Variants in TTC27 observed in about 807,000 individuals in gnomAD.
The protein encoded by TTC27 is tetratricopeptide repeat protein 27.
Under a neutral mutation model 115.9 loss-of-function variants are expected in TTC27, and 79 were observed. That is an observed-to-expected ratio of 0.68 (90% CI 0.57 to 0.82). TTC27 has a LOEUF of 0.82. Ranked by LOEUF, TTC27 falls within the 40% of genes least tolerant of loss-of-function variation. TTC27 has a pLI of 0.00. For synonymous variants in TTC27, 401 were observed against 356.0 expected (o/e 1.13, Z -1.42); for missense variants, 1,054 against 993.1 (o/e 1.06, Z -0.82).
chr2:32,631,532 A>G (rs754702398), intron 2 of TTC27, among the ~76,000 whole-genome samples: 9 of 152,190 alleles, frequency 5.9e-5, no homozygotes, highest in Non-Finnish European at 1.3e-4. Flanking sequence ...TAAGCTTTTC[A>G]GTGGCTTATA....
intron 5 of TTC27, among the ~76,000 whole-genome samples, chr2:32,661,172 C>G (rs899636055): frequency 6.6e-6 from 1 of 152,080 alleles, no homozygotes; most frequent in African/African-American, 2.4e-5. Context: ...GTTACTGTAG[C>G]CTTGCAGTAT....
chr2:32,756,968 T>A (rs1389188994), intron 12 of TTC27, among the ~76,000 whole-genome samples: 2 of 152,180 alleles, frequency 1.3e-5, no homozygotes, highest in Non-Finnish European at 2.9e-5. Context: ...AGCTCCAAAC[T>A]GTGGACATAT....
intron 16 of TTC27, 138 bp from the exon 17 acceptor site, chr2:32,810,886 A>G: frequency 1.1e-6 from 1 of 943,780 alleles, no homozygotes; most frequent in Non-Finnish European, 1.6e-6. Flanking sequence ...TTGCTTTTCA[A>G]AAGCTTAAAG....
At chr2:32,686,920 C>T (rs370148278) in intron 9 of TTC27, among the ~76,000 whole-genome samples, 1 of 152,162 alleles carries the variant, frequency 6.6e-6, no homozygotes, top group Non-Finnish European at 1.5e-5. Context: ...TCTTGGCTCA[C>T]TGCAACCTCT....
Position 32,783,621 on chromosome 2 carries a change from A to G in TTC27, c.1832+943A>G, listed in dbSNP as rs143871228. ...TGGGGAAGATTTATCTGGTGGCAGT[A>G]TATGAGGCAGACTAGAGGAAACTGC... is the stretch of plus-strand genomic sequence containing the variant. On this transcript the variant is annotated intron_variant, in intron 15 of 19. Transcript: ENST00000317907. Among the ~76,000 whole-genome samples the G allele has an allele frequency of 4.8e-4, 73 of 152,360 alleles. No homozygotes were observed. The East Asian group carries it at 0.013, about 27-fold the overall frequency.
chr2:32,638,356 A>G (rs1664504662), intron 3 of TTC27, among the ~76,000 whole-genome samples: 1 of 151,796 alleles, frequency 6.6e-6, no homozygotes, highest in Non-Finnish European at 1.5e-5. Flanking sequence ...ACTCACAGTT[A>G]TTTCCTTCTT....
intron 10 of TTC27, among the ~76,000 whole-genome samples, chr2:32,718,965 C>G (rs1667837223): frequency 6.6e-6 from 1 of 152,162 alleles, no homozygotes; most frequent in African/African-American, 2.4e-5. Flanking sequence ...ATAGTATCTC[C>G]TAAGTGGTGC....
intron 14 of TTC27, among the ~76,000 whole-genome samples, chr2:32,781,696 T>C (rs2148016484): frequency 6.6e-6 from 1 of 152,322 alleles, no homozygotes. Flanking sequence ...TCCTCCCATC[T>C]TGGCCTCCTA....
intron 13 of TTC27, among the ~76,000 whole-genome samples, chr2:32,760,027 C>T (rs1669380321): frequency 6.6e-6 from 1 of 152,142 alleles, no homozygotes; most frequent in East Asian, 1.9e-4. Flanking sequence ...CACCTCTTGA[C>T]TATTGTGAGT....
chr2:32,806,284 C>G (rs527992703), intron 16 of TTC27, among the ~76,000 whole-genome samples: 2 of 152,202 alleles, frequency 1.3e-5, no homozygotes, highest in East Asian at 3.9e-4. Context: ...AATTTGTAGA[C>G]TACCCAAGAG....
intron 10 of TTC27, among the ~76,000 whole-genome samples, chr2:32,728,037 C>CTTT (rs564322443): frequency 5.6e-4 from 59 of 105,320 alleles, no homozygotes; most frequent in African/African-American, 1.0e-3. Context: ...AGGACTGCCT[C>CTTT]TTTTTTTTTT....
chr2:32,697,621 G>A (rs974350919), intron 9 of TTC27, among the ~76,000 whole-genome samples: 26 of 152,104 alleles, frequency 1.7e-4, no homozygotes, highest in African/African-American at 6.0e-4. Flanking sequence ...GGAGGTGGTT[G>A]GTCAACTTTT....
chr2:32,802,392 A>G (rs940744875), intron 16 of TTC27, among the ~76,000 whole-genome samples: 2 of 152,230 alleles, frequency 1.3e-5, no homozygotes, highest in African/African-American at 4.8e-5. Context: ...CTGTGTATAA[A>G]TAATTTTTAA....
intron 18 of TTC27, 72 bp downstream of exon 18, chr2:32,812,687 C>A (rs1671358317): frequency 1.7e-6 from 2 of 1,152,916 alleles, no homozygotes; most frequent in South Asian, 1.3e-5. Context: ...GAGTGTTGGT[C>A]AAAAGTAAAG....
intron 12 of TTC27, among the ~76,000 whole-genome samples, chr2:32,748,528 C>T (rs1163344199): frequency 6.6e-6 from 1 of 152,100 alleles, no homozygotes; most frequent in Non-Finnish European, 1.5e-5. Context: ...ATTGACATCT[C>T]CAAATATTAT....
At chr2:32,716,302 T>G (rs1572543331) in intron 10 of TTC27, among the ~76,000 whole-genome samples, 1 of 152,318 alleles carries the variant, frequency 6.6e-6, no homozygotes, top group East Asian at 1.9e-4. Flanking sequence ...CAATCCTTTA[T>G]TTTTTAAAGT....
chr2:32,773,586 C>A (rs1669900365), intron 13 of TTC27, among the ~76,000 whole-genome samples: 1 of 152,212 alleles, frequency 6.6e-6, no homozygotes, highest in East Asian at 1.9e-4. Context: ...CTGTGTCGAA[C>A]CTCTCCTCTG....
chr2:32,731,058 G>T (rs942584508), intron 10 of TTC27, among the ~76,000 whole-genome samples: 1 of 152,044 alleles, frequency 6.6e-6, no homozygotes, highest in African/African-American at 2.4e-5. Flanking sequence ...GTTCCGTTGC[G>T]TGTGTATGTG....
At chr2:32,648,368 A>T (rs1664948380) in intron 4 of TTC27, among the ~76,000 whole-genome samples, 1 of 150,814 alleles carries the variant, frequency 6.6e-6, no homozygotes, top group Non-Finnish European at 1.5e-5. Flanking sequence ...ACCTCAGGTG[A>T]TCAGCCCCAC....
Sources: gnomAD v4.1 joint callset for allele counts (sites outside exome capture counted in the v4.1 genomes callset) on GRCh38, gnomAD v4.1.1 for gene constraint, MANE v1.5 for transcripts, NCBI Gene and HGNC (gene_info 2026-07-23, HGNC 2026-07-21) for gene names.